The following KCNQ5 variants were observed in gnomAD, a reference collection of about 807,000 sequenced individuals.
KCNQ5 encodes potassium voltage-gated channel subfamily KQT member 5.
KCNQ5 carries 30 observed loss-of-function variants against 98.2 expected under a neutral mutation model. That is an observed-to-expected ratio of 0.31 (90% CI 0.23 to 0.41). The LOEUF is 0.41. Ranked by LOEUF, KCNQ5 falls within the 10% of genes least tolerant of loss-of-function variation. KCNQ5 has a pLI of 1.00. For synonymous variants in KCNQ5, 458 were observed against 449.4 expected (o/e 1.02, Z -0.24); for missense variants, 835 against 1,182.5 (o/e 0.71, Z 4.31).
At chr6:72,685,277 G>T (rs1404614693) in intron 1 of KCNQ5, among the ~76,000 whole-genome samples, 1 of 152,218 alleles carries the variant, frequency 6.6e-6, no homozygotes, top group Admixed American at 6.5e-5. Context: ...TACTCACTAA[G>T]AGGTTTGCTT....
intron 1 of KCNQ5, among the ~76,000 whole-genome samples, chr6:72,664,869 T>C (rs1450929773): frequency 6.6e-6 from 1 of 152,226 alleles, no homozygotes; most frequent in Admixed American, 6.5e-5. Flanking sequence ...TCAAAACTGT[T>C]ACTGTCATTT....
chr6:73,075,080 T>A (rs1017469705), intron 3 of KCNQ5, among the ~76,000 whole-genome samples: 4 of 152,224 alleles, frequency 2.6e-5, no homozygotes, highest in African/African-American at 9.6e-5. Flanking sequence ...AAAGTTTTTT[T>A]AATTGCAAAG....
chr6:72,681,834 G>C (rs1337163781), intron 1 of KCNQ5, among the ~76,000 whole-genome samples: 3 of 152,144 alleles, frequency 2.0e-5, no homozygotes, highest in Non-Finnish European at 4.4e-5. Context: ...CTGACTTATA[G>C]AATATGGAGT....
chr6:73,150,882 T>C (rs567277186), intron 10 of KCNQ5, among the ~76,000 whole-genome samples: 1 of 151,852 alleles, frequency 6.6e-6, no homozygotes, highest in Non-Finnish European at 1.5e-5. Flanking sequence ...CTTGAAATTA[T>C]AGAAATGCAT....
chr6:72,951,794 C>T (rs1416448472), intron 1 of KCNQ5, among the ~76,000 whole-genome samples: 2 of 152,094 alleles, frequency 1.3e-5, no homozygotes, highest in Non-Finnish European at 1.5e-5. Flanking sequence ...GTACTTAGAA[C>T]AAGGGCAAAG....
chr6:73,059,847 GA>G (rs1314131127), intron 3 of KCNQ5, among the ~76,000 whole-genome samples: 1 of 152,036 alleles, frequency 6.6e-6, no homozygotes, highest in Non-Finnish European at 1.5e-5. Flanking sequence ...GAAGTATAAA[GA>G]GACCAATTAA....
At chr6:73,126,935 G>A (rs1380744698) in intron 9 of KCNQ5, among the ~76,000 whole-genome samples, 1 of 151,428 alleles carries the variant, frequency 6.6e-6, no homozygotes, top group African/African-American at 2.4e-5. Context: ...ACAAAAAATG[G>A]GAAGAGAGGA....
chr6:72,823,039 C>T (rs1775826372), intron 1 of KCNQ5, among the ~76,000 whole-genome samples: 2 of 152,108 alleles, frequency 1.3e-5, no homozygotes, highest in South Asian at 4.1e-4. Flanking sequence ...TCAACCCTCC[C>T]CAAGGGTCTT....
chr6:72,819,570 T>C (rs1775657208), intron 1 of KCNQ5, among the ~76,000 whole-genome samples: 1 of 152,164 alleles, frequency 6.6e-6, no homozygotes, highest in African/African-American at 2.4e-5. Flanking sequence ...CCATAAGCAA[T>C]CCAAGTCAGG....
At chr6:73,166,811 G>A (rs188622723) in intron 10 of KCNQ5, among the ~76,000 whole-genome samples, 10 of 152,240 alleles carry the variant, frequency 6.6e-5, no homozygotes, top group Admixed American at 6.5e-4. Context: ...TCCTTAGCTT[G>A]TAGATGCATT....
chr6:72,958,369 T>C (rs1009859981), intron 1 of KCNQ5, among the ~76,000 whole-genome samples: 10 of 152,220 alleles, frequency 6.6e-5, no homozygotes, highest in African/African-American at 2.4e-4. Context: ...GTTCAATTTA[T>C]AAACACTGTT....
intron 3 of KCNQ5, among the ~76,000 whole-genome samples, chr6:73,054,925 C>T (rs1582267116): frequency 6.6e-6 from 1 of 152,314 alleles, no homozygotes; most frequent in Non-Finnish European, 1.5e-5. Flanking sequence ...CAGTATGATT[C>T]TATGCCCAGA....
chr6:73,148,585 G>A (rs1777014047), intron 10 of KCNQ5, among the ~76,000 whole-genome samples: 1 of 152,176 alleles, frequency 6.6e-6, no homozygotes. Context: ...AGTTTATTGT[G>A]GTTGCAGGCC....
chr6:72,658,257 G>A (rs1212105983), intron 1 of KCNQ5, among the ~76,000 whole-genome samples: 1 of 151,974 alleles, frequency 6.6e-6, no homozygotes, highest in Non-Finnish European at 1.5e-5. Flanking sequence ...TTTTGGTGAT[G>A]TGTAAAGAAT....
intron 1 of KCNQ5, among the ~76,000 whole-genome samples, chr6:72,716,462 A>G (rs1488952080): frequency 6.6e-6 from 1 of 152,214 alleles, no homozygotes; most frequent in Non-Finnish European, 1.5e-5. Flanking sequence ...TTAGCTGAAT[A>G]TTCATTTGGC....
chr6:73,113,286 G>T (rs1456049597), intron 7 of KCNQ5, among the ~76,000 whole-genome samples: 1 of 152,096 alleles, frequency 6.6e-6, no homozygotes, highest in Non-Finnish European at 1.5e-5. Flanking sequence ...TTATTGCATG[G>T]GTTCCTTTCA....
chr6:72,688,304 C>G (rs1273111517), intron 1 of KCNQ5, among the ~76,000 whole-genome samples: 1 of 152,186 alleles, frequency 6.6e-6, no homozygotes, highest in Admixed American at 6.5e-5. Context: ...TCTTAAGGTT[C>G]ACTCTTTTAA....
At chr6:72,953,478 G>A (rs1766902352) in intron 1 of KCNQ5, among the ~76,000 whole-genome samples, 1 of 152,152 alleles carries the variant, frequency 6.6e-6, no homozygotes, top group South Asian at 2.1e-4. Context: ...TTTAATGACT[G>A]AAACAACAAT....
rs1562232067 is a variant in KCNQ5 at position 73,197,624 on chromosome 6, CACACACACA to C, written c.*2211_*2219del. ...ACACACACACACACACACACACACA[CACACACACA>C]CACACACACCCCTCCACTGACCTAA... On this transcript the variant is annotated 3_prime_UTR_variant, in exon 14 of 14. Coordinates refer to ENST00000370398, the MANE Select transcript of KCNQ5 (RefSeq NM_019842.4). The C allele has an allele frequency of 2.2e-5, 3 of 135,814 alleles. No homozygotes were observed. Among genetic ancestry groups the C allele is most frequent in the Non-Finnish European group, 3.3e-5 (2 of 59,752 alleles). The allele number at this position is 135,814 out of a possible 1,614,324, so 8.4% of individuals were successfully genotyped here.
Sources: gnomAD v4.1 joint callset for allele counts (sites outside exome capture counted in the v4.1 genomes callset) on GRCh38, gnomAD v4.1.1 for gene constraint, MANE v1.5 for transcripts, NCBI Gene and HGNC (gene_info 2026-07-23, HGNC 2026-07-21) for gene names.